Variants in DHRS3 observed in about 807,000 individuals in gnomAD.
DHRS3 encodes the protein dehydrogenase/reductase 3, also known as short-chain dehydrogenase/reductase 3.
A neutral mutation model predicts 27.2 loss-of-function variants in DHRS3; 14 were observed. The ratio of observed to expected loss-of-function variants is 0.52; its 90% CI spans 0.34 to 0.81. The LOEUF is 0.81. Among genes scored for constraint, DHRS3 ranks in the 30% least tolerant of loss-of-function variants. DHRS3 has a pLI of 0.01. For synonymous variants in DHRS3, 165 were observed against 175.9 expected (o/e 0.94, Z 0.49); for missense variants, 322 against 406.2 (o/e 0.79, Z 1.78).
At chr1:12,607,008 C>T (rs867017817) in intron 1 of DHRS3, among the ~76,000 whole-genome samples, 14 of 152,280 alleles carry the variant, frequency 9.2e-5, no homozygotes, top group Middle Eastern at 6.8e-3. Context: ...ATGTTCAAGG[C>T]ATTTTGCTTG....
chr1:12,572,652 T>C (rs1646547914), intron 5 of DHRS3, 76 bp downstream of exon 5: 3 of 1,542,908 alleles, frequency 1.9e-6, no homozygotes, highest in Non-Finnish European at 2.6e-6. Flanking sequence ...CTCATGCTCA[T>C]GCCCGCAGCA....
chr1:12,613,713 C>G (rs1182050063), intron 1 of DHRS3, among the ~76,000 whole-genome samples: 1 of 152,198 alleles, frequency 6.6e-6, no homozygotes, highest in African/African-American at 2.4e-5. Flanking sequence ...TCCCATACTA[C>G]CTTCCTGAAA....
intron 1 of DHRS3, among the ~76,000 whole-genome samples, chr1:12,581,934 C>G (rs915690791): frequency 2.6e-5 from 4 of 152,112 alleles, no homozygotes; most frequent in Non-Finnish European, 5.9e-5. Flanking sequence ...CAGTGAAATT[C>G]CCCCTTAAAA....
At chr1:12,573,044 G>T (rs772430528) in intron 4 of DHRS3, among the ~76,000 whole-genome samples, 191 bp from the exon 5 acceptor site, 1 of 152,178 alleles carries the variant, frequency 6.6e-6, no homozygotes, top group Non-Finnish European at 1.5e-5. Flanking sequence ...CAGGCACACA[G>T]GGGTCTCTTC....
intron 1 of DHRS3, among the ~76,000 whole-genome samples, chr1:12,597,463 C>A (rs1021774140): frequency 1.3e-5 from 2 of 152,224 alleles, no homozygotes; most frequent in Non-Finnish European, 2.9e-5. Flanking sequence ...TTCTCCTTCA[C>A]TGAATTTAAT....
intron 2 of DHRS3, chr1:12,580,252 T>C: frequency 2.1e-6 from 1 of 486,036 alleles, no homozygotes; most frequent in South Asian, 2.1e-5. Context: ...CAGAGGCCAA[T>C]GGGACATTTG....
chr1:12,608,114 T>C lies in DHRS3; in HGVS notation c.195+9040A>G, dbSNP rs983455001. ...CTGGTCTCGAACTCCTGACGTCAAG[T>C]GATCTGCCCGCCTCGGCCTCCCACA... On this transcript the variant is annotated intron_variant, in intron 1 of 5. Coordinates refer to ENST00000616661, the MANE Select transcript of DHRS3 (RefSeq NM_004753.7). This position sits in a 1 kb window ranked among gnomAD's most constrained non-coding sequence, Gnocchi z 4.1. Among the ~76,000 whole-genome samples the C allele has an allele frequency of 2.0e-5, 3 of 152,188 alleles. No homozygotes were observed. Among genetic ancestry groups the C allele is most frequent in the Non-Finnish European group, 2.9e-5 (2 of 68,042 alleles).
intron 1 of DHRS3, among the ~76,000 whole-genome samples, chr1:12,581,537 A>AT (rs1646644049): frequency 2.0e-5 from 3 of 152,166 alleles, no homozygotes; most frequent in Non-Finnish European, 2.9e-5. Context: ...CTCACCCGGC[A>AT]GGTAACAAAC....
chr1:12,615,915 T>A (rs1646941242), intron 1 of DHRS3, among the ~76,000 whole-genome samples: 2 of 152,184 alleles, frequency 1.3e-5, no homozygotes, highest in Non-Finnish European at 1.5e-5. Flanking sequence ...GAGGGAGTCC[T>A]GGACAGCCAG....
chr1:12,606,136 CAAAAAA>C (rs35154933), intron 1 of DHRS3, among the ~76,000 whole-genome samples: 1 of 106,844 alleles, frequency 9.4e-6, no homozygotes, highest in Admixed American at 9.8e-5. Flanking sequence ...GACTCTGTCT[CAAAAAA>C]AAAAAAAAAA....
intron 5 of DHRS3, among the ~76,000 whole-genome samples, chr1:12,570,632 A>AAGCC (rs1297443721): frequency 1.3e-4 from 20 of 152,342 alleles, no homozygotes; most frequent in Admixed American, 7.2e-4. Context: ...CTGAGGGCTT[A>AAGCC]CTGTGGAGAG....
chr1:12,588,787 G>A (rs571214411), intron 1 of DHRS3, among the ~76,000 whole-genome samples: 6 of 152,294 alleles, frequency 3.9e-5, no homozygotes, highest in African/African-American at 9.6e-5. Context: ...CCCTCCCACC[G>A]GCGACATGAG....
At chr1:12,589,838 G>A (rs1646730309) in intron 1 of DHRS3, among the ~76,000 whole-genome samples, 1 of 137,744 alleles carries the variant, frequency 7.3e-6, no homozygotes, top group Non-Finnish European at 1.5e-5. Context: ...AAAGCTAGCT[G>A]TCATTATTAT....
At chr1:12,585,203 G>GTGTA (rs1193903118) in intron 1 of DHRS3, among the ~76,000 whole-genome samples, 1 of 145,226 alleles carries the variant, frequency 6.9e-6, no homozygotes, top group East Asian at 2.0e-4. Context: ...GTGTGTGTGT[G>GTGTA]TCTGTGTATC....
Position 12,580,522 on chromosome 1 carries a change from CCTT to C in DHRS3, c.337_339del (p.Lys113del), listed in dbSNP as rs1646634752. On this transcript the variant is annotated inframe_deletion and splice_region_variant, in exon 2 of 6. Transcript: ENST00000616661. ...GGAATAGACCCTCCCAGGCTACAGA[CCTT>C]CTCCCGGACGGCCTTGGCCGTCTGG... is the stretch of plus-strand genomic sequence containing the variant. 6.2e-7 allele frequency: 1 copy of C among 1,614,202 alleles called. No individual in the cohort carries two copies. The highest frequency in any genetic ancestry group is 2.2e-5 in the East Asian group (1 of 44,872).
At chr1:12,583,665 TCCATTCATCTGTCCATCCATCCATCCAC>T (rs1469092522) in intron 1 of DHRS3, among the ~76,000 whole-genome samples, 1 of 146,678 alleles carries the variant, frequency 6.8e-6, no homozygotes, top group Non-Finnish European at 1.5e-5. Context: ...CATCCATCCA[TCCATTCATCTGTCCATCCATCCATCCAC>T]CCATTCATCC....
At chr1:12,575,256 G>A (rs1398856721) in intron 4 of DHRS3, among the ~76,000 whole-genome samples, 1 of 152,038 alleles carries the variant, frequency 6.6e-6, no homozygotes, top group Non-Finnish European at 1.5e-5. Context: ...GAACCTGGGA[G>A]GCGGAGGTTG....
Position 12,574,959 on chromosome 1 carries a change from G to T in DHRS3, c.699-2106C>A, listed in dbSNP as rs1460442542. ...GGAATAAAAGCTCTCTTCCAGGGTT[G>T]CTGTGAGGGCCAAATGCAGCAGCAC... On this transcript the variant is annotated intron_variant, in intron 4 of 5. Transcript: ENST00000616661. This position sits in a 1 kb window ranked among gnomAD's most constrained non-coding sequence, Gnocchi z 4.6. Among the ~76,000 whole-genome samples the T allele has an allele frequency of 6.6e-6, 1 of 152,170 alleles. No homozygotes were observed. The highest frequency in any genetic ancestry group is 1.5e-5 in the Non-Finnish European group (1 of 68,030).
chr1:12,579,158 C>A, intron 3 of DHRS3, 135 bp downstream of exon 3: 1 of 1,466,972 alleles, frequency 6.8e-7, no homozygotes, highest in Non-Finnish European at 9.3e-7. Flanking sequence ...GCTGGTCATT[C>A]GTCTTGTCTG....
Sources: gnomAD v4.1 joint callset for allele counts (sites outside exome capture counted in the v4.1 genomes callset) on GRCh38, gnomAD v4.1.1 for gene constraint, Gnocchi (gnomAD v3.1) non-coding constraint, MANE v1.5 for transcripts, NCBI Gene and HGNC (gene_info 2026-07-23, HGNC 2026-07-21) for gene names.